TP73: variants seen among roughly 807,000 people sequenced by gnomAD.
TP73 encodes tumor protein p73, also known as p53-like transcription factor.
A neutral mutation model predicts 62.5 loss-of-function variants in TP73; 25 were observed. The observed-to-expected ratio is 0.40, with a 90% CI of 0.29 to 0.56. The LOEUF (loss-of-function observed/expected upper bound fraction) is 0.56, where lower values mean the gene tolerates loss of function less well. Among genes scored for constraint, TP73 ranks in the 20% least tolerant of loss-of-function variants. TP73 has a pLI of 0.46. For synonymous variants in TP73, 423 were observed against 377.5 expected, an observed-to-expected ratio of 1.12 and a Z score of -1.40; for missense variants, 754 against 913.3, an observed-to-expected ratio of 0.83 and a Z score of 2.25.
Position 3,657,548 on chromosome 1 carries a change from T to C in TP73, c.-34+4907T>C, listed in dbSNP as rs202196551. ...TTCCCAGAGGCTGCATCCAACCCACTAGAGTGGCTATGTTTCAGTAACTCG... is the reference window on the plus strand; with the variant it reads ...TTCCCAGAGGCTGCATCCAACCCACCAGAGTGGCTATGTTTCAGTAACTCG... On this transcript the variant is annotated intron_variant, in intron 1 of 13. Transcript: ENST00000378295. 2.0e-4 allele frequency among the ~76,000 whole-genome samples: 31 copies of C among 152,336 alleles called. 1 individual carries two copies. The East Asian group carries it at 4.8e-3, about 24-fold the overall frequency.
intron 3 of TP73, among the ~76,000 whole-genome samples, chr1:3,700,086 G>A (rs114030874): frequency 1.8e-4 from 28 of 152,102 alleles, no homozygotes; most frequent in African/African-American, 6.3e-4. Flanking sequence ...TCCGTCTTTC[G>A]AGCCTCTGCA....
chr1:3,729,056 T>C (rs2124529534), intron 9 of TP73, among the ~76,000 whole-genome samples: 1 of 152,022 alleles, frequency 6.6e-6, no homozygotes, highest in Admixed American at 6.5e-5. Flanking sequence ...CCAGTATCTG[T>C]TGGTAGGGGA....
rs1244268252 is a variant in TP73 at position 3,735,268 on chromosome 1, G to C, written c.*2189G>C. The C allele has an allele frequency of 1.3e-5, 2 of 152,338 alleles. No homozygotes were observed. Among genetic ancestry groups the C allele is most frequent in the Non-Finnish European group, 2.9e-5 (2 of 68,142 alleles). 9.4% of individuals were successfully genotyped at this position (152,338 alleles called of 1,614,324 possible). On this transcript the variant is annotated 3_prime_UTR_variant, in exon 14 of 14. Coordinates refer to ENST00000378295, the MANE Select transcript of TP73 (RefSeq NM_005427.4). ...CTGACACCCGGGGTTCCTCAGCCCAGCGCAGATGTGCTTCAGTTCCAGAGG... is the reference window on the plus strand; with the variant it reads ...CTGACACCCGGGGTTCCTCAGCCCACCGCAGATGTGCTTCAGTTCCAGAGG...
chr1:3,687,485 G>A (rs966862709), intron 3 of TP73, among the ~76,000 whole-genome samples: 3 of 152,222 alleles, frequency 2.0e-5, no homozygotes, highest in African/African-American at 7.2e-5. Flanking sequence ...CACCCGAGGA[G>A]TCTCTGCAGT....
intron 3 of TP73, among the ~76,000 whole-genome samples, chr1:3,702,472 G>C (rs1475966555): frequency 7.0e-6 from 1 of 143,196 alleles, no homozygotes; most frequent in African/African-American, 3.0e-5. Context: ...CCACACCCCA[G>C]CCCCCAGCCC....
In TP73 at chr1:3,733,423, T is replaced by A. The variant is rs1570664513; in HGVS notation, c.*344T>A. 1 of 370,954 alleles carries A rather than the reference T, an allele frequency of 2.7e-6. No homozygotes were observed. The highest frequency in any genetic ancestry group is 5.0e-6 in the Non-Finnish European group (1 of 201,228). 23.0% of individuals were successfully genotyped at this position (370,954 alleles called of 1,614,324 possible). A position where few individuals can be genotyped will look rare whatever the true frequency, so the allele number is the denominator to read the frequency against. On this transcript the variant is annotated 3_prime_UTR_variant, in exon 14 of 14. Coordinates refer to ENST00000378295, the MANE Select transcript of TP73 (RefSeq NM_005427.4). ...CGTCGGCTCCGACTTCCAGGCTTCA[T>A]CCTAGAGACTGTCATCTCCCAACCA...
chr1:3,687,488 T>C (rs556249306), intron 3 of TP73, among the ~76,000 whole-genome samples: 81 of 152,300 alleles, frequency 5.3e-4, no homozygotes, highest in African/African-American at 1.4e-3. Flanking sequence ...CCGAGGAGTC[T>C]CTGCAGTGCT....
intron 4 of TP73, among the ~76,000 whole-genome samples, chr1:3,720,229 T>C (rs1355768185): frequency 1.3e-5 from 2 of 152,342 alleles, no homozygotes; most frequent in East Asian, 3.9e-4. Context: ...TTCCTGCTTT[T>C]CTAAACAGCG....
chr1:3,732,706 G>A, intron 13 of TP73, 41 bp from the exon 14 acceptor site: 2 of 1,524,172 alleles, frequency 1.3e-6, no homozygotes, highest in South Asian at 2.5e-5. Context: ...TGCTCTCCCT[G>A]CTCCACTGCC....
intron 4 of TP73, among the ~76,000 whole-genome samples, chr1:3,718,170 C>G (rs1203206860): frequency 6.6e-6 from 1 of 152,208 alleles, no homozygotes; most frequent in East Asian, 1.9e-4. Context: ...CCGCCTGCAC[C>G]GAGTACCAGG....
At chr1:3,732,404 C>A (rs1642201794) in intron 13 of TP73, among the ~76,000 whole-genome samples, 4 of 150,488 alleles carry the variant, frequency 2.7e-5, no homozygotes, top group Admixed American at 2.6e-4. Context: ...TGGTGTGGTG[C>A]CCAGAGGGTG....
intron 3 of TP73, among the ~76,000 whole-genome samples, chr1:3,694,706 T>A (rs77892395): frequency 1.2e-4 from 1 of 8,692 alleles, no homozygotes; most frequent in Non-Finnish European, 5.3e-4. Flanking sequence ...CCCCTCCTCC[T>A]GCAATCCCAG....
intron 1 of TP73, among the ~76,000 whole-genome samples, chr1:3,664,256 G>A (rs1402100397): frequency 2.6e-5 from 4 of 152,188 alleles, no homozygotes; most frequent in African/African-American, 4.8e-5. Context: ...TACCAGAGGC[G>A]CTGCATTGGA....
At chr1:3,710,249 C>T (rs1203192262) in intron 4 of TP73, among the ~76,000 whole-genome samples, 1 of 151,960 alleles carries the variant, frequency 6.6e-6, no homozygotes, top group African/African-American at 2.4e-5. Context: ...CTGTCGCCTG[C>T]ACCCAGGGCT....
intron 1 of TP73, among the ~76,000 whole-genome samples, chr1:3,678,921 C>T (rs564279766): frequency 1.3e-3 from 202 of 152,360 alleles, no homozygotes; most frequent in Non-Finnish European, 2.4e-3. Flanking sequence ...TGTTTGGGGA[C>T]CCAACTCCTG....
rs767838368 is a variant in TP73, at chr1:3,732,966, G to C, written c.1798G>C (p.Gly600Arg). The change falls in exon 14 of 14, where the codon GGC (glycine) becomes CGC (arginine). Residue 600 changes from glycine to arginine, a missense_variant. This residue lies in a region of TP73 where 458 missense variants were observed against 528.7 expected (regional missense o/e 0.87). Coordinates refer to ENST00000378295, the MANE Select transcript of TP73 (RefSeq NM_005427.4). ...VRHTITIPNRGGPGGGPDEWA... is the reference protein window; with the variant it reads ...VRHTITIPNRRGPGGGPDEWA... ...CCACACCATCACCATCCCCAACCGCGGCGGCCCAGGCGGCGGCCCTGACGA... is the reference window on the plus strand; with the variant it reads ...CCACACCATCACCATCCCCAACCGCCGCGGCCCAGGCGGCGGCCCTGACGA... The C allele has an allele frequency of 5.0e-6, 8 of 1,601,412 alleles. No individual in the cohort carries two copies. Among genetic ancestry groups the C allele is most frequent in the Non-Finnish European group, 6.8e-6 (8 of 1,176,480 alleles).
chr1:3,703,546 G>T (rs763998217), intron 3 of TP73, among the ~76,000 whole-genome samples: 1 of 152,250 alleles, frequency 6.6e-6, no homozygotes, highest in Non-Finnish European at 1.5e-5. Flanking sequence ...GCTGTGCTAG[G>T]CGCAGAGATC....
intron 6 of TP73, among the ~76,000 whole-genome samples, chr1:3,725,979 GTGGATGGATGGATGGGA>G (rs1557578964): frequency 1.7e-5 from 2 of 117,782 alleles, no homozygotes; most frequent in Non-Finnish European, 3.5e-5. Context: ...GGGTGGATGG[GTGGATGGATGGATGGGA>G]TGGGTGGATG....
At position 3,662,538 on chromosome 1, in the gene TP73, C is replaced by G. The variant is rs1399263347; in HGVS notation, c.-34+9897C>G. ...GCGATCAGAGTTACCTGGAGCCGCT[C>G]TCCTCCCGGCATAGAGACCTTTACG... On this transcript the variant is annotated intron_variant, in intron 1 of 13. Coordinates refer to ENST00000378295, the MANE Select transcript of TP73 (RefSeq NM_005427.4). This position sits in a 1 kb window ranked among gnomAD's most constrained non-coding sequence, Gnocchi z 4.4. Among the ~76,000 whole-genome samples, 1 of 152,244 alleles carries G rather than the reference C, an allele frequency of 6.6e-6. No homozygotes were observed. The highest frequency in any genetic ancestry group is 1.5e-5 in the Non-Finnish European group (1 of 68,038).
Sources: allele counts gnomAD v4.1 joint callset (sites outside exome capture counted in the v4.1 genomes callset), GRCh38; gene constraint gnomAD v4.1.1; regional missense constraint gnomAD v4.1.1; non-coding constraint Gnocchi (gnomAD v3.1); transcripts MANE v1.5; gene names NCBI Gene and HGNC (gene_info 2026-07-23, HGNC 2026-07-21).